Variants in TMEM229B observed in about 807,000 individuals in gnomAD.
TMEM229B encodes the protein chromosome 14 open reading frame 83.
A neutral mutation model predicts 13.7 loss-of-function variants in TMEM229B; 6 were observed. The ratio of observed to expected loss-of-function variants is 0.44; its 90% CI spans 0.24 to 0.86. The LOEUF (loss-of-function observed/expected upper bound fraction) is 0.86, where lower values mean the gene tolerates loss of function less well. Among genes scored for constraint, TMEM229B ranks in the 40% least tolerant of loss-of-function variants. The pLI is 0.23. For synonymous variants in TMEM229B, 107 were observed against 102.1 expected, an observed-to-expected ratio of 1.05 and a Z score of -0.29; for missense variants, 170 against 236.0, an observed-to-expected ratio of 0.72 and a Z score of 1.83.
intron 2 of TMEM229B, among the ~76,000 whole-genome samples, chr14:67,478,943 C>G (rs1043878966): frequency 1.3e-5 from 2 of 152,214 alleles, no homozygotes; most frequent in African/African-American, 4.8e-5. Context: ...GAATATTCAA[C>G]CTAACTCCGA....
chr14:67,523,236 A>G (rs1030572478), intron 1 of TMEM229B, among the ~76,000 whole-genome samples: 1 of 151,780 alleles, frequency 6.6e-6, no homozygotes, highest in Middle Eastern at 3.2e-3. Flanking sequence ...GGCAGGGAGA[A>G]TTGCTTGAAT....
intron 1 of TMEM229B, among the ~76,000 whole-genome samples, chr14:67,487,867 T>C (rs1290794719): frequency 6.6e-6 from 1 of 151,994 alleles, no homozygotes; most frequent in Non-Finnish European, 1.5e-5. Flanking sequence ...TGGCCAACCC[T>C]CCCACCTCAG....
chr14:67,515,964 G>A (rs376353569), upstream of TMEM229B, among the ~76,000 whole-genome samples: 1 of 152,236 alleles, frequency 6.6e-6, no homozygotes, highest in African/African-American at 2.4e-5. Flanking sequence ...TAAGGCTCAC[G>A]ATTTGCTTTA....
chr14:67,516,333 C>T (rs751461126), upstream of TMEM229B, among the ~76,000 whole-genome samples: 5 of 152,164 alleles, frequency 3.3e-5, no homozygotes, highest in Non-Finnish European at 7.3e-5. Flanking sequence ...AATTCTCTCG[C>T]AAACCCTATG....
chr14:67,477,517 T>C (rs530962790), intron 2 of TMEM229B, among the ~76,000 whole-genome samples: 3 of 152,310 alleles, frequency 2.0e-5, no homozygotes, highest in South Asian at 4.1e-4. Flanking sequence ...CAATATTATA[T>C]TGAGAATTTC....
chr14:67,512,558 A>G (rs779965908), intron 1 of TMEM229B, among the ~76,000 whole-genome samples: 1 of 152,218 alleles, frequency 6.6e-6, no homozygotes, highest in Non-Finnish European at 1.5e-5. Context: ...AAGTAAAAGC[A>G]TACAAACTTG....
intron 1 of TMEM229B, among the ~76,000 whole-genome samples, chr14:67,506,493 C>A (rs888278580): frequency 2.0e-5 from 3 of 152,118 alleles, no homozygotes; most frequent in Non-Finnish European, 4.4e-5. Context: ...CAAATGAAAT[C>A]ATCTCTCATC....
Position 67,527,861 on chromosome 14 carries a change from G to C in TMEM229B, c.-192+5775C>G, listed in dbSNP as rs569566673. Among the ~76,000 whole-genome samples the C allele has an allele frequency of 8.5e-5, 13 of 152,324 alleles. No individual in the cohort carries two copies. In the East Asian group the frequency reaches 2.1e-3, roughly 25 times the overall value. On this transcript the variant is annotated intron_variant, in intron 1 of 2. Transcript: ENST00000554278. The stretch of plus-strand genomic sequence containing the variant: ...AACTCACTCACAGCTCTGCATGTAG[G>C]ACCCCACCCCAGACCTCTGGCCTCT...
At chr14:67,482,906 T>TAAC (rs1185744118) in intron 2 of TMEM229B, among the ~76,000 whole-genome samples, 4 of 152,184 alleles carry the variant, frequency 2.6e-5, no homozygotes, top group Non-Finnish European at 4.4e-5. Context: ...GTAATAATAA[T>TAAC]AACCAGGTGC....
Position 67,473,485 on chromosome 14 carries a change from C to G in TMEM229B, c.439G>C (p.Asp147His). ...CCGCTGGGCTCCCCGGGCTCAGCGT[C>G]CTTGTCGAAGCGGAGGCGGAGGGTG... is the stretch of plus-strand genomic sequence containing the variant. ...RNTLRLRFDK[D>H]AEPGEPSGAL... The change falls in exon 3 of 3, where the codon GAC (aspartate) becomes CAC (histidine). Residue 147 changes from aspartate (D) to histidine (H), a missense_variant. Coordinates refer to ENST00000554480, the MANE Select transcript of TMEM229B (RefSeq NM_001348543.2). This position sits in a 1 kb window ranked among gnomAD's most constrained non-coding sequence, Gnocchi z 6.5. The G allele has an allele frequency of 2.5e-6, 4 of 1,614,212 alleles. No homozygotes were observed. Among genetic ancestry groups the G allele is most frequent in the South Asian group, 2.2e-5 (2 of 91,082 alleles).
rs1411840284 is a variant in TMEM229B, at chr14:67,470,700, C to A, written c.*2720G>T. The A allele has an allele frequency of 6.6e-6, 1 of 152,064 alleles. No homozygotes were observed. The highest frequency in any genetic ancestry group is 1.5e-5 in the Non-Finnish European group (1 of 68,130). 9.4% of individuals were successfully genotyped at this position (152,064 alleles called of 1,614,324 possible). A position where few individuals can be genotyped will look rare whatever the true frequency, so the allele number is the denominator to read the frequency against. ...TATTATTGCTGTGAATAAGCATAGGCCATTGTGACTCACTGGCATTGAAGA... is the reference window on the plus strand; with the variant it reads ...TATTATTGCTGTGAATAAGCATAGGACATTGTGACTCACTGGCATTGAAGA... On this transcript the variant is annotated 3_prime_UTR_variant, in exon 3 of 3. Coordinates refer to ENST00000554480, the MANE Select transcript of TMEM229B (RefSeq NM_001348543.2).
intron 2 of TMEM229B, among the ~76,000 whole-genome samples, chr14:67,486,345 G>A (rs2031878776): frequency 1.3e-5 from 2 of 152,240 alleles, no homozygotes. Flanking sequence ...CACGATCTTG[G>A]CTCACTGCAA....
At chr14:67,525,565 G>A (rs2033354435) in intron 1 of TMEM229B, among the ~76,000 whole-genome samples, 1 of 152,190 alleles carries the variant, frequency 6.6e-6, no homozygotes, top group South Asian at 2.1e-4. Flanking sequence ...TGTAGCTGAA[G>A]AAAGGACGCA....
chr14:67,532,064 C>G (rs2033476522), intron 1 of TMEM229B, among the ~76,000 whole-genome samples: 1 of 152,180 alleles, frequency 6.6e-6, no homozygotes, highest in Non-Finnish European at 1.5e-5. Flanking sequence ...CTATCCCAAT[C>G]CCCACGAGCT....
At chr14:67,521,657 T>C (rs1469867906) in intron 1 of TMEM229B, among the ~76,000 whole-genome samples, 1 of 152,176 alleles carries the variant, frequency 6.6e-6, no homozygotes, top group Non-Finnish European at 1.5e-5. Context: ...TGTGATCATG[T>C]GAATTCATCC....
At chr14:67,499,714 T>C (rs1158598922) in intron 1 of TMEM229B, among the ~76,000 whole-genome samples, 2 of 151,990 alleles carry the variant, frequency 1.3e-5, no homozygotes, top group Admixed American at 1.3e-4. Flanking sequence ...AGACCTCCAA[T>C]AGGTTAAAAA....
At position 67,488,664 on chromosome 14, in the gene TMEM229B, T is replaced by C; in HGVS notation, c.-348A>G. On this transcript the variant is annotated 5_prime_UTR_variant, in exon 1 of 3. Coordinates refer to ENST00000554480, the MANE Select transcript of TMEM229B (RefSeq NM_001348543.2). ...TGTGCCTGGGGAGTTCAATCCCACC[T>C]GTGGAGACTTCTCCCCACCCTAGGC... 6.6e-6 allele frequency: 1 copy of C among 152,600 alleles called. No individual in the cohort carries two copies. The allele number at this position is 152,600 out of a possible 1,614,324, so 9.5% of individuals were successfully genotyped here. A position where few individuals can be genotyped will look rare whatever the true frequency, so the allele number is the denominator to read the frequency against.
chr14:67,483,643 T>C (rs1193323157), intron 2 of TMEM229B, among the ~76,000 whole-genome samples: 1 of 152,162 alleles, frequency 6.6e-6, no homozygotes, highest in African/African-American at 2.4e-5. Flanking sequence ...CACAGGACCA[T>C]GACAGCAACC....
intron 1 of TMEM229B, among the ~76,000 whole-genome samples, chr14:67,504,252 G>C (rs538495452): frequency 8.5e-5 from 13 of 152,076 alleles, no homozygotes; most frequent in African/African-American, 3.1e-4. Context: ...GACCTCAAGT[G>C]ATGCGCTTAC....
Sources: allele counts gnomAD v4.1 joint callset (sites outside exome capture counted in the v4.1 genomes callset), GRCh38; gene constraint gnomAD v4.1.1; non-coding constraint Gnocchi (gnomAD v3.1); transcripts MANE v1.5; gene names NCBI Gene and HGNC (gene_info 2026-07-23, HGNC 2026-07-21).